Variants in EXOSC3 observed in about 807,000 individuals in gnomAD.
EXOSC3 encodes the protein exosome component 3.
In EXOSC3, 18 loss-of-function variants were observed where a neutral mutation model predicts 25.1. That is an observed-to-expected ratio of 0.72 (90% CI 0.50 to 1.06). The LOEUF (loss-of-function observed/expected upper bound fraction) is 1.06, where lower values mean the gene tolerates loss of function less well. Among genes scored for constraint, EXOSC3 ranks in the 50% least tolerant of loss-of-function variants. EXOSC3 has a pLI of 0.00. For missense variants in EXOSC3, 382 were observed against 350.9 expected (o/e 1.09, Z -0.71); for synonymous variants, 165 against 132.2 (o/e 1.25, Z -1.70).
chr9:37,784,976 T>G lies in EXOSC3; in HGVS notation c.69A>C (p.Val23=). The G allele has an allele frequency of 6.2e-7, 1 of 1,612,686 alleles. No homozygotes were observed. The highest frequency in any genetic ancestry group is 2.2e-5 in the East Asian group (1 of 44,860). Residue 23 remains valine, a synonymous_variant, in exon 1 of 4, where the codon GTA becomes GTC. Transcript: ENST00000327304. The part of the protein sequence containing the change: ...AGSRARAART[V]LGQVVLPGEE... ...CACCCGGGAGCACCACCTGACCTAGTACTGTGCGTGCAGCGCGCGCCCTGC... is the reference window on the plus strand; with the variant it reads ...CACCCGGGAGCACCACCTGACCTAGGACTGTGCGTGCAGCGCGCGCCCTGC...
chr9:37,785,079 C>CCTTCCG, upstream of EXOSC3: 1 of 1,555,860 alleles, frequency 6.4e-7, no homozygotes, highest in East Asian at 2.3e-5. Flanking sequence ...CCGGTACCCG[C>CCTTCCG]CTTCCGCTTC....
At chr9:37,781,163 T>C (rs1263456249) in intron 3 of EXOSC3, among the ~76,000 whole-genome samples, 3 of 152,056 alleles carry the variant, frequency 2.0e-5, no homozygotes, top group African/African-American at 7.2e-5. Context: ...AGCACTTTAA[T>C]TCTAGACTGG....
In EXOSC3 at chr9:37,784,882, G is replaced by C; in HGVS notation, c.163C>G (p.Leu55Val). 6.2e-7 allele frequency: 1 copy of C among 1,606,904 alleles called. No homozygotes were observed. Among genetic ancestry groups the C allele is most frequent in the Middle Eastern group, 1.7e-4 (1 of 6,054 alleles). Residue 55 changes from leucine (L) to valine (V), a missense_variant, in exon 1 of 4, where the codon CTG (leucine) becomes GTG (valine). Leu to Val is a conservative substitution (Grantham distance 32, BLOSUM62 1). Coordinates refer to ENST00000327304, the MANE Select transcript of EXOSC3 (RefSeq NM_016042.4). Reference protein sequence around the residue: ...PGGAVERPLSLNARACSRVRV... With the variant: ...PGGAVERPLSVNARACSRVRV... ...ACCCGCGAGCACGCTCTAGCATTCA[G>C]GCTCAACGGTCGCTCCACTGCACCC... is the stretch of plus-strand genomic sequence containing the variant.
chr9:37,783,873 T>C lies in EXOSC3; in HGVS notation c.474+41A>G, dbSNP rs563329272. On this transcript the variant is annotated intron_variant, in intron 2 of 3. Coordinates refer to ENST00000327304, the MANE Select transcript of EXOSC3 (RefSeq NM_016042.4). ...CTGGATATGTGAGTGTTCTAGGGAA[T>C]GGATGTTTGTTTCTTTGAAACCAAA... The C allele has an allele frequency of 3.3e-4, 524 of 1,598,038 alleles. 6 individuals are homozygous for C. In the South Asian group the frequency reaches 5.6e-3, roughly 17 times the overall value.
At position 37,780,729 on chromosome 9, in the gene EXOSC3, T is replaced by C. The variant is rs764975416; in HGVS notation, c.778A>G (p.Met260Val). ...ATCTGTTTTCTTTGATCTGACGTCA[T>C]GTGTTCACAAGCTTCTAAAATGTTT... ...LANILEACEH[M>V]TSDQRKQIFS... is the part of the protein sequence containing the mutation. Residue 260 changes from methionine (M) to valine (V), a missense_variant, in exon 4 of 4, where the codon ATG (methionine) becomes GTG (valine). Met to Val is a conservative substitution (Grantham distance 21, BLOSUM62 1). Coordinates refer to ENST00000327304, the MANE Select transcript of EXOSC3 (RefSeq NM_016042.4). The C allele has an allele frequency of 3.1e-6, 5 of 1,614,032 alleles. No homozygotes were observed. Among genetic ancestry groups the C allele is most frequent in the African/African-American group, 1.3e-5 (1 of 75,060 alleles).
rs1828671439 is a variant in EXOSC3, at chr9:37,784,818, T to C, written c.227A>G (p.Asp76Gly). The change falls in exon 1 of 4, where the codon GAC (aspartate) becomes GGC (glycine). Residue 76 changes from aspartate (D) to glycine (G), a missense_variant. Transcript: ENST00000327304. ...VCGPGLRRCG[D>G]RLLVTKCGRL... The stretch of plus-strand genomic sequence containing the variant: ...GCCGCACTTGGTGACCAGCAGGCGG[T>C]CCCCACAGCGCCGAAGGCCCGGACC... 2 of 1,608,156 alleles carry C rather than the reference T, an allele frequency of 1.2e-6. No homozygotes were observed. The highest frequency in any genetic ancestry group is 1.7e-5 in the Admixed American group (1 of 59,380).
Position 37,784,741 on chromosome 9 carries a change from CCCAGTAAACA to C in EXOSC3, c.294_303del (p.Val99TrpfsTer11), listed in dbSNP as rs672601331. 6.3e-7 allele frequency: 1 copy of C among 1,599,712 alleles called. No individual in the cohort carries two copies. Among genetic ancestry groups the C allele is most frequent in the Non-Finnish European group, 8.5e-7 (1 of 1,177,014 alleles). The stretch of plus-strand genomic sequence containing the variant: ...CTCACCCGCTTCTGCTGAGAGTCCA[CCCAGTAAACA>C]CCGCCGCCGCTGCCACTGCCGGGCT... On this transcript the variant is annotated frameshift_variant, in exon 1 of 4. Coordinates refer to ENST00000327304, the MANE Select transcript of EXOSC3 (RefSeq NM_016042.4). LOFTEE classifies it high-confidence loss of function.
At chr9:37,781,182 A>ACTT (rs1828586753) in intron 3 of EXOSC3, among the ~76,000 whole-genome samples, 1 of 151,958 alleles carries the variant, frequency 6.6e-6, no homozygotes, top group East Asian at 1.9e-4. Context: ...GGGAATCATA[A>ACTT]CTTTTTTTAT....
chr9:37,785,000 G>A lies in EXOSC3; in HGVS notation c.45C>T (p.Ser15=). Residue 15 remains serine, a synonymous_variant, in exon 1 of 4, where the codon AGC becomes AGT. Transcript: ENST00000327304. ...GTACTGTGCGTGCAGCGCGCGCCCT[G>A]CTGCCCGCGAGAGATTCAGCCGCGA... ...ASVAAESLAG[S]RARAARTVLG... 6.2e-7 allele frequency: 1 copy of A among 1,606,938 alleles called. No homozygotes were observed. Among genetic ancestry groups the A allele is most frequent in the Non-Finnish European group, 8.5e-7 (1 of 1,176,092 alleles).
chr9:37,784,949 C>A lies in EXOSC3; in HGVS notation c.96G>T (p.Glu32Asp). Residue 32 changes from glutamate (E) to aspartate (D), a missense_variant, in exon 1 of 4, where the codon GAG (glutamate) becomes GAT (aspartate). Coordinates refer to ENST00000327304, the MANE Select transcript of EXOSC3 (RefSeq NM_016042.4). ...CCTCCTGTTCCGGCAGGAGCAGCTCCTCACCCGGGAGCACCACCTGACCTA... is the reference window on the plus strand; with the variant it reads ...CCTCCTGTTCCGGCAGGAGCAGCTCATCACCCGGGAGCACCACCTGACCTA... The part of the protein sequence containing the change: ...TVLGQVVLPG[E>D]ELLLPEQEDA... 6.2e-7 allele frequency: 1 copy of A among 1,612,786 alleles called. No individual in the cohort carries two copies. Among genetic ancestry groups the A allele is most frequent in the Non-Finnish European group, 8.5e-7 (1 of 1,179,642 alleles).
At chr9:37,784,107 A>G (rs2118980480) in intron 1 of EXOSC3, 44 bp from the exon 2 acceptor site, 1 of 1,585,060 alleles carries the variant, frequency 6.3e-7, no homozygotes, top group East Asian at 2.3e-5. Context: ...AAATGACAAG[A>G]TACCATTGGA....
intron 3 of EXOSC3, 138 bp from the exon 4 acceptor site, chr9:37,781,018 GCCT>G (rs1828583649): frequency 4.3e-6 from 3 of 699,188 alleles, no homozygotes; most frequent in South Asian, 3.8e-5. Flanking sequence ...GACATTTGCT[GCCT>G]CCTTTCTTCC....
chr9:37,780,873 C>T lies in EXOSC3; in HGVS notation c.634G>A (p.Ala212Thr). 2 of 1,612,834 alleles carry T rather than the reference C, an allele frequency of 1.2e-6. No homozygotes were observed. The highest frequency in any genetic ancestry group is 1.7e-6 in the Non-Finnish European group (2 of 1,179,570). Residue 212 changes from alanine to threonine, a missense_variant, in exon 4 of 4, where the codon GCT becomes ACT. Physicochemically the swap from Ala to Thr is moderately conservative, Grantham distance 58. Transcript: ENST00000327304. ...VTLGLIRKLLAPDCEIIQEVG... is the reference protein window; with the variant it reads ...VTLGLIRKLLTPDCEIIQEVG... Reference sequence around the variant, plus strand: ...TCCTGTATGATTTCACAATCTGGAGCTAATAGCCTGGTGGGAAGAGAAAAG... The same window carrying T: ...TCCTGTATGATTTCACAATCTGGAGTTAATAGCCTGGTGGGAAGAGAAAAG...
intron 2 of EXOSC3, 86 bp downstream of exon 2, chr9:37,783,828 G>A: frequency 6.9e-7 from 1 of 1,444,634 alleles, no homozygotes; most frequent in South Asian, 1.4e-5. Flanking sequence ...TCATGCTTTG[G>A]AGACAATTCA....
chr9:37,784,414 A>G, intron 1 of EXOSC3: 1 of 500,578 alleles, frequency 2.0e-6, no homozygotes, highest in Non-Finnish European at 3.5e-6. Context: ...TCCCTATGAC[A>G]TCCACTCATT....
intron 1 of EXOSC3, 171 bp downstream of exon 1, chr9:37,784,550 A>G (rs1325299673): frequency 4.1e-6 from 3 of 734,636 alleles, no homozygotes; most frequent in Non-Finnish European, 6.5e-6. Flanking sequence ...CTATGTTCCT[A>G]TTGTTCACGG....
chr9:37,784,594 A>C (rs1828665917), intron 1 of EXOSC3, 127 bp downstream of exon 1: 1 of 1,063,942 alleles, frequency 9.4e-7, no homozygotes, highest in Admixed American at 2.9e-5. Context: ...TGGGCACAAG[A>C]CTACGGTGGC....
At position 37,784,999 on chromosome 9, in the gene EXOSC3, T is replaced by G. The variant is rs776409249; in HGVS notation, c.46A>C (p.Arg16=). ...SVAAESLAGS[R]ARAARTVLGQ... ...AGTACTGTGCGTGCAGCGCGCGCCC[T>G]GCTGCCCGCGAGAGATTCAGCCGCG... is the stretch of plus-strand genomic sequence containing the variant. Residue 16 remains arginine (R), a synonymous_variant, in exon 1 of 4, where the codon AGG becomes CGG. Coordinates refer to ENST00000327304, the MANE Select transcript of EXOSC3 (RefSeq NM_016042.4). 3 of 1,607,016 alleles carry G rather than the reference T, an allele frequency of 1.9e-6. No homozygotes were observed. The highest frequency in any genetic ancestry group is 1.3e-5 in the African/African-American group (1 of 74,812).
chr9:37,784,138 T>C (rs1025425961), intron 1 of EXOSC3, 75 bp from the exon 2 acceptor site: 193 of 1,465,348 alleles, frequency 1.3e-4, no homozygotes, highest in Middle Eastern at 3.6e-4. Context: ...AGCAAGTCCT[T>C]TGTGGTTACT....
Sources: gnomAD v4.1 joint callset for allele counts (sites outside exome capture counted in the v4.1 genomes callset) on GRCh38, gnomAD v4.1.1 for gene constraint, MANE v1.5 for transcripts, NCBI Gene and HGNC (gene_info 2026-07-23, HGNC 2026-07-21) for gene names.